The following MORN2 variants were observed in gnomAD, a reference collection of about 807,000 sequenced individuals.
MORN2 encodes MORN repeat-containing protein 2.
MORN2 carries 15 observed loss-of-function variants against 13.4 expected under a neutral mutation model. That is an observed-to-expected ratio of 1.12 (90% CI 0.75 to 1.72). MORN2 has a LOEUF of 1.72. Ranked by LOEUF, MORN2 falls within the 40% of genes most tolerant of loss-of-function variation. The pLI is 0.00. For missense variants in MORN2, 168 were observed against 134.6 expected (o/e 1.25, Z -1.23); for synonymous variants, 46 against 43.6 (o/e 1.06, Z -0.22).
intron 1 of MORN2, among the ~76,000 whole-genome samples, chr2:38,877,788 CT>C (rs1017456924): frequency 6.7e-6 from 1 of 149,678 alleles, no homozygotes; most frequent in African/African-American, 2.5e-5. Flanking sequence ...ATTTTTAAAA[CT>C]TAATTTTTTT....
chr2:38,877,081 G>A (rs1665649906), intron 1 of MORN2, among the ~76,000 whole-genome samples: 1 of 152,140 alleles, frequency 6.6e-6, no homozygotes, highest in African/African-American at 2.4e-5. Flanking sequence ...GAAACTACAA[G>A]CAGATCTGGT....
intron 1 of MORN2, 66 bp downstream of exon 1, chr2:38,876,176 T>G: frequency 5.0e-6 from 2 of 398,262 alleles, no homozygotes. Flanking sequence ...TAGCGTGGAG[T>G]CAGAACCTGC....
chr2:38,877,853 C>T (rs1005668630), intron 1 of MORN2, among the ~76,000 whole-genome samples: 1 of 151,690 alleles, frequency 6.6e-6, no homozygotes, highest in Non-Finnish European at 1.5e-5. Flanking sequence ...GGCTGGAGGG[C>T]AGGGTGTGAT....
Position 38,880,710 on chromosome 2 carries a change from T to A in MORN2, c.216+4T>A. On this transcript the variant is annotated splice_donor_region_variant and intron_variant, in intron 3 of 4. Transcript: ENST00000644631. ...AGGAAGCTGGAAAGATGACAAGGTATTATTGTTGTTTTTAATATTGGCAGT... is the reference window on the plus strand; with the variant it reads ...AGGAAGCTGGAAAGATGACAAGGTAATATTGTTGTTTTTAATATTGGCAGT... The A allele has an allele frequency of 6.5e-7, 1 of 1,549,914 alleles. No homozygotes were observed. Among genetic ancestry groups the A allele is most frequent in the Non-Finnish European group, 8.7e-7 (1 of 1,146,704 alleles).
Position 38,880,168 on chromosome 2 carries a change from T to G in MORN2, c.59-11T>G. ...AAACTTATGTCACTGTTTTTAAATCTTTTAAAACAGCTTCAGAAGTGTATA... is the reference window on the plus strand; with the variant it reads ...AAACTTATGTCACTGTTTTTAAATCGTTTAAAACAGCTTCAGAAGTGTATA... On this transcript the variant is annotated splice_polypyrimidine_tract_variant and intron_variant, in intron 1 of 4. Coordinates refer to ENST00000644631, the MANE Select transcript of MORN2 (RefSeq NM_001145450.3). 1 of 398,900 alleles carries G rather than the reference T, an allele frequency of 2.5e-6. No homozygotes were observed. 24.7% of individuals were successfully genotyped at this position (398,900 alleles called of 1,614,324 possible). A position where few individuals can be genotyped will look rare whatever the true frequency, so the allele number is the denominator to read the frequency against.
intron 1 of MORN2, among the ~76,000 whole-genome samples, chr2:38,877,529 G>A (rs1236329733): frequency 1.3e-5 from 2 of 152,110 alleles, no homozygotes; most frequent in South Asian, 2.1e-4. Flanking sequence ...GTTAATTAGT[G>A]TCTATATTTA....
chr2:38,881,472 T>C lies in MORN2; in HGVS notation c.247T>C (p.Ser83Pro). The C allele has an allele frequency of 6.5e-7, 1 of 1,539,992 alleles. No individual in the cohort carries two copies. The highest frequency in any genetic ancestry group is 1.4e-5 in the African/African-American group (1 of 72,374). Residue 83 changes from serine (S) to proline (P), a missense_variant, in exon 4 of 5, where the codon TCA becomes CCA. Transcript: ENST00000644631. ...TGGTTTTGGAAGACTTGAGCATTTT[T>C]CAGGAGCAGTATATGAAGGACAATT...
chr2:38,881,235 C>G (rs1391348480), intron 3 of MORN2, among the ~76,000 whole-genome samples: 1 of 152,054 alleles, frequency 6.6e-6, no homozygotes, highest in African/African-American at 2.4e-5. Flanking sequence ...TGTCCCAGAT[C>G]CAGAACATTT....
chr2:38,881,171 A>G (rs1458121010), intron 3 of MORN2, among the ~76,000 whole-genome samples: 1 of 152,214 alleles, frequency 6.6e-6, no homozygotes, highest in Non-Finnish European at 1.5e-5. Context: ...TGATACATTC[A>G]GGGTATCTTG....
chr2:38,880,736 G>A, intron 3 of MORN2, 30 bp downstream of exon 3: 5 of 1,548,068 alleles, frequency 3.2e-6, no homozygotes, highest in Non-Finnish European at 4.4e-6. Context: ...TATTGGCAGT[G>A]GATAAATAAC....
Position 38,880,612 on chromosome 2 carries a change from C to T in MORN2, c.122C>T (p.Thr41Ile), listed in dbSNP as rs1665751423. ...CTCCTCTGTTTAGATGGTGACTGTA[C>T]AAGAACATCTTCTGGAATCTACGAG... Residue 41 changes from threonine to isoleucine, a missense_variant, in exon 3 of 5, where the codon ACA becomes ATA. Transcript: ENST00000644631. 6.5e-7 allele frequency: 1 copy of T among 1,538,400 alleles called. No homozygotes were observed. Among genetic ancestry groups the T allele is most frequent in the South Asian group, 1.2e-5 (1 of 81,838 alleles).
In MORN2 at chr2:38,882,478, C is replaced by T; in HGVS notation, c.419C>T (p.Thr140Ile). 4 of 1,550,682 alleles carry T rather than the reference C, an allele frequency of 2.6e-6. No individual in the cohort carries two copies. The highest frequency in any genetic ancestry group is 1.4e-5 in the African/African-American group (1 of 73,118). Residue 140 changes from threonine to isoleucine, a missense_variant, in exon 5 of 5, where the codon ACA (threonine) becomes ATA (isoleucine). Transcript: ENST00000644631. ...GAATGGAGTGGTAACTTTCATTTTA[C>T]AGCTGCTCCAGACCTGAAATTAAAG... is the stretch of plus-strand genomic sequence containing the variant.
chr2:38,877,290 A>G (rs1259962367), intron 1 of MORN2, among the ~76,000 whole-genome samples: 1 of 149,678 alleles, frequency 6.7e-6, no homozygotes, highest in African/African-American at 2.5e-5. Flanking sequence ...AAATAAATAA[A>G]TTAAATTAAA....
chr2:38,881,983 T>C (rs1187922986), intron 4 of MORN2, among the ~76,000 whole-genome samples: 2 of 152,252 alleles, frequency 1.3e-5, no homozygotes, highest in Admixed American at 6.5e-5. Context: ...ATTCTAAATA[T>C]TCTTTTATGA....
rs1045681829 is a variant in MORN2 at position 38,881,369 on chromosome 2, A to G, written c.217-73A>G. ...AATAATTAGCAGATGATAGACTTAT[A>G]TTTGTACATTTTTTAAAGGTTCTTG... On this transcript the variant is annotated intron_variant, in intron 3 of 4. Coordinates refer to ENST00000644631, the MANE Select transcript of MORN2 (RefSeq NM_001145450.3). 6 of 1,347,508 alleles carry G rather than the reference A, an allele frequency of 4.5e-6. No homozygotes were observed. The African/African-American group carries it at 6.1e-5, about 14-fold the overall frequency. 83.5% of individuals were successfully genotyped at this position (1,347,508 alleles called of 1,614,324 possible).
chr2:38,876,787 A>G (rs1665641498), intron 1 of MORN2, among the ~76,000 whole-genome samples: 1 of 152,196 alleles, frequency 6.6e-6, no homozygotes, highest in Non-Finnish European at 1.5e-5. Context: ...AGAATACAAT[A>G]GCTAATATTT....
intron 3 of MORN2, among the ~76,000 whole-genome samples, chr2:38,881,044 A>T (rs773759963): frequency 5.3e-5 from 8 of 152,220 alleles, no homozygotes; most frequent in Non-Finnish European, 1.0e-4. Context: ...TTGCCCAGCT[A>T]GTAAATGATA....
Position 38,882,617 on chromosome 2 carries a change from T to G in MORN2, c.*102T>G. On this transcript the variant is annotated 3_prime_UTR_variant, in exon 5 of 5. Transcript: ENST00000644631. ...GAAATGACTTCATACACTACCCCTA[T>G]AAGTTTGCCAATAAAACCATCACCT... The G allele has an allele frequency of 1.3e-6, 1 of 743,510 alleles. No individual in the cohort carries two copies. Among genetic ancestry groups the G allele is most frequent in the Non-Finnish European group, 2.2e-6 (1 of 463,812 alleles). The allele number at this position is 743,510 out of a possible 1,614,324, so 46.1% of individuals were successfully genotyped here.
chr2:38,879,816 A>G (rs1335174029), intron 1 of MORN2, among the ~76,000 whole-genome samples: 2 of 152,352 alleles, frequency 1.3e-5, no homozygotes, highest in Non-Finnish European at 2.9e-5. Flanking sequence ...TGAATTATAT[A>G]TTAATAAAGC....
Sources: gnomAD v4.1 joint callset for allele counts (sites outside exome capture counted in the v4.1 genomes callset) on GRCh38, gnomAD v4.1.1 for gene constraint, MANE v1.5 for transcripts, NCBI Gene and HGNC (gene_info 2026-07-23, HGNC 2026-07-21) for gene names.